Variants in GART observed in about 807,000 individuals in gnomAD.
GART encodes the protein phosphoribosylglycinamide formyltransferase, phosphoribosylglycinamide synthetase, phosphoribosylaminoimidazole synthetase, also known as trifunctional purine biosynthetic protein adenosine-3.
A neutral mutation model predicts 107.2 loss-of-function variants in GART; 43 were observed. The observed-to-expected ratio is 0.40, with a 90% CI of 0.31 to 0.52. GART has a LOEUF of 0.52. Among genes scored for constraint, GART ranks in the 20% least tolerant of loss-of-function variants. The pLI, the probability that GART is intolerant of heterozygous loss-of-function variation, is 0.52. For synonymous variants in GART, 434 were observed against 427.0 expected, an observed-to-expected ratio of 1.02 and a Z score of -0.20; for missense variants, 1,107 against 1,206.5, an observed-to-expected ratio of 0.92 and a Z score of 1.22.
At chr21:33,531,756 C>A (rs2067925069) in intron 5 of GART, 199 bp from the exon 6 acceptor site, 1 of 533,030 alleles carries the variant, frequency 1.9e-6, no homozygotes, top group African/African-American at 1.9e-5. Context: ...GTAGCTAACA[C>A]TGGTACAGAC....
In GART at chr21:33,539,371, CCA is replaced by C; in HGVS notation, c.-41-17_-41-16del. 2 of 1,579,956 alleles carry C rather than the reference CCA, an allele frequency of 1.3e-6. No homozygotes were observed. The highest frequency in any genetic ancestry group is 1.7e-6 in the Non-Finnish European group (2 of 1,164,614). On this transcript the variant is annotated splice_polypyrimidine_tract_variant and intron_variant, in intron 1 of 21. Coordinates refer to ENST00000381815, the MANE Select transcript of GART (RefSeq NM_000819.5). ...GAAAATGAAACCTGCAGAAAGAAAA[CCA>C]CAGTTTATATCTTAGGATGCACATT...
At chr21:33,527,844 G>A (rs2085103740) in intron 10 of GART, among the ~76,000 whole-genome samples, 1 of 152,004 alleles carries the variant, frequency 6.6e-6, no homozygotes, top group African/African-American at 2.4e-5. Flanking sequence ...TTGTACTAAT[G>A]TTCCTCTGAC....
At chr21:33,521,256 A>C (rs2084967996) in intron 12 of GART, among the ~76,000 whole-genome samples, 1 of 152,226 alleles carries the variant, frequency 6.6e-6, no homozygotes, top group Admixed American at 6.5e-5. Context: ...TATACATACC[A>C]CTTGTTCATA....
rs1380832893 is a variant in GART, at chr21:33,539,356, C to A, written c.-41G>T. 6.3e-7 allele frequency: 1 copy of A among 1,586,846 alleles called. No individual in the cohort carries two copies. Among genetic ancestry groups the A allele is most frequent in the Non-Finnish European group, 8.5e-7 (1 of 1,171,180 alleles). ...GCAGAAATTCCAAAGGAAAATGAAA[C>A]CTGCAGAAAGAAAACCACAGTTTAT... On this transcript the variant is annotated splice_region_variant and 5_prime_UTR_variant, in exon 2 of 22. Transcript: ENST00000381815.
At chr21:33,515,920 T>C (rs778889323) in intron 16 of GART, among the ~76,000 whole-genome samples, 6 of 152,018 alleles carry the variant, frequency 3.9e-5, no homozygotes, top group Non-Finnish European at 5.9e-5. Context: ...ATCTTTGTGC[T>C]GTACCTGACA....
chr21:33,517,124 G>A lies in GART; in HGVS notation c.1972C>T (p.Pro658Ser). Residue 658 changes from proline to serine, a missense_variant, in exon 16 of 22, where the codon CCT becomes TCT. By Grantham distance (74) the Pro-to-Ser change is moderately conservative. Coordinates refer to ENST00000381815, the MANE Select transcript of GART (RefSeq NM_000819.5). ...AGTGAATGGCTGTAGATTCTGGTAGGCGTGAGAAGTAAGTCCCCTGCATGT... is the reference window on the plus strand; with the variant it reads ...AGTGAATGGCTGTAGATTCTGGTAGACGTGAGAAGTAAGTCCCCTGCATGT... Reference protein sequence around the residue: ...DQTLGDLLLTPTRIYSHSLLP... With the variant: ...DQTLGDLLLTSTRIYSHSLLP... 1 of 1,609,564 alleles carries A rather than the reference G, an allele frequency of 6.2e-7. No individual in the cohort carries two copies. Among genetic ancestry groups the A allele is most frequent in the Non-Finnish European group, 8.5e-7 (1 of 1,178,970 alleles).
At chr21:33,542,799 G>T (rs946108740), upstream of GART, 19 of 471,320 alleles carry the variant, frequency 4.0e-5, no homozygotes, top group South Asian at 4.2e-4. Flanking sequence ...ATGCGGACAC[G>T]GTCGCCTCAA....
At chr21:33,538,530 G>A (rs1473821296) in intron 2 of GART, among the ~76,000 whole-genome samples, 2 of 152,118 alleles carry the variant, frequency 1.3e-5, no homozygotes, top group Non-Finnish European at 2.9e-5. Flanking sequence ...ACTGCACGTG[G>A]CCGCAAGTTG....
rs138995080 is a variant in GART at position 33,511,575 on chromosome 21, T to C, written c.2108-117A>G. The C allele has an allele frequency of 3.7e-5, 39 of 1,053,136 alleles. No homozygotes were observed. In the African/African-American group the frequency reaches 5.7e-4, roughly 15 times the overall value. 65.2% of individuals were successfully genotyped at this position (1,053,136 alleles called of 1,614,324 possible). ...TCAGGCTCTGCTATTTTATGTAGGGTAAAACTATAAATTGGCCTCTGAGAA... is the reference window on the plus strand; with the variant it reads ...TCAGGCTCTGCTATTTTATGTAGGGCAAAACTATAAATTGGCCTCTGAGAA... On this transcript the variant is annotated intron_variant, in intron 16 of 21. Transcript: ENST00000381815.
At chr21:33,516,384 C>T (rs996374972) in intron 16 of GART, among the ~76,000 whole-genome samples, 4 of 152,108 alleles carry the variant, frequency 2.6e-5, no homozygotes, top group Admixed American at 2.6e-4. Context: ...TGGTCTCCCT[C>T]ATTCTCTTGG....
At chr21:33,538,925 C>T (rs1334116129) in intron 2 of GART, among the ~76,000 whole-genome samples, 2 of 152,068 alleles carry the variant, frequency 1.3e-5, no homozygotes, top group Non-Finnish European at 2.9e-5. Flanking sequence ...GGACTACAGG[C>T]ACCCGCCACC....
Position 33,531,570 on chromosome 21 carries a change from T to G in GART, c.529-13A>C, listed in dbSNP as rs747948788. 4.3e-5 allele frequency: 8 copies of G among 185,302 alleles called. No homozygotes were observed. In the Admixed American group the frequency reaches 6.3e-4, roughly 15 times the overall value. The allele number at this position is 185,302 out of a possible 1,614,324, so 11.5% of individuals were successfully genotyped here. On this transcript the variant is annotated splice_polypyrimidine_tract_variant and intron_variant, in intron 5 of 21. Coordinates refer to ENST00000381815, the MANE Select transcript of GART (RefSeq NM_000819.5). Reference sequence around the variant, plus strand: ...CAAAGGCTTTCTCCTGATTGTAAGATTTTTTTTTTTTTTTTTTTTAAAAAA... The same window carrying G: ...CAAAGGCTTTCTCCTGATTGTAAGAGTTTTTTTTTTTTTTTTTTTAAAAAA...
intron 10 of GART, among the ~76,000 whole-genome samples, chr21:33,525,865 CT>C (rs2085063705): frequency 6.8e-6 from 1 of 148,142 alleles, no homozygotes; most frequent in Non-Finnish European, 1.5e-5. Flanking sequence ...AGTAAGGGAA[CT>C]TCCTTTTTTT....
intron 5 of GART, 64 bp from the exon 6 acceptor site, chr21:33,531,621 T>C: frequency 7.0e-7 from 1 of 1,431,864 alleles, no homozygotes; most frequent in Non-Finnish European, 9.5e-7. Flanking sequence ...TTTTGATACT[T>C]AGTTGACTTT....
chr21:33,515,423 T>C (rs1003506228), intron 16 of GART, among the ~76,000 whole-genome samples: 1 of 151,794 alleles, frequency 6.6e-6, no homozygotes, highest in Admixed American at 6.6e-5. Flanking sequence ...GGGTGGATCA[T>C]GAGGTCAAGA....
chr21:33,505,532 C>T, intron 20 of GART, 29 bp downstream of exon 20: 1 of 1,568,690 alleles, frequency 6.4e-7, no homozygotes, highest in Middle Eastern at 1.7e-4. Flanking sequence ...ATTGATTTCC[C>T]AATGTGATGT....
At chr21:33,527,288 G>A (rs1311185011) in intron 10 of GART, among the ~76,000 whole-genome samples, 1 of 152,140 alleles carries the variant, frequency 6.6e-6, no homozygotes, top group East Asian at 1.9e-4. Context: ...GGAGGATGAG[G>A]TAGGCGGATC....
At chr21:33,505,907 G>A in intron 19 of GART, 67 bp downstream of exon 19, 2 of 1,589,414 alleles carry the variant, frequency 1.3e-6, no homozygotes, top group South Asian at 1.2e-5. Context: ...ATAGACCAGG[G>A]TCCTGTGAGG....
rs745454518 is a variant in GART at position 33,522,266 on chromosome 21, C to T, written c.1315G>A (p.Glu439Lys). The change falls in exon 12 of 22, where the codon GAA (glutamate) becomes AAA (lysine). Residue 439 changes from glutamate to lysine, a missense_variant. Physicochemically the swap from Glu to Lys is moderately conservative, Grantham distance 56 (BLOSUM62 1). Transcript: ENST00000381815. ...LQQPRSLTYK[E>K]SGVDIAAGNM... ...CCAGCTGCGATATCTACTCCAGATT[C>T]CTTGTAAGTCAAACTCCTAAAGAAT... 3.7e-6 allele frequency: 6 copies of T among 1,612,998 alleles called. No individual in the cohort carries two copies. The Admixed American group carries it at 5.0e-5, about 13-fold the overall frequency.
Sources: allele counts gnomAD v4.1 joint callset (sites outside exome capture counted in the v4.1 genomes callset), GRCh38; gene constraint gnomAD v4.1.1; transcripts MANE v1.5; gene names NCBI Gene and HGNC (gene_info 2026-07-23, HGNC 2026-07-21).